MYO18B: variants seen among roughly 807,000 people sequenced by gnomAD.
The protein encoded by MYO18B is unconventional myosin-XVIIIb.
Under a neutral mutation model 273.0 loss-of-function variants are expected in MYO18B, and 204 were observed. The observed-to-expected ratio is 0.75, with a 90% CI of 0.67 to 0.84. The LOEUF (loss-of-function observed/expected upper bound fraction) is 0.84. MYO18B is among the 40% of genes least tolerant of loss of function. The pLI is 0.00. For synonymous variants in MYO18B, 1,330 were observed against 1,305.7 expected (o/e 1.02, Z -0.40); for missense variants, 3,212 against 3,287.6 (o/e 0.98, Z 0.56).
chr22:26,015,332 G>A lies in MYO18B; in HGVS notation c.6470+10477G>A, dbSNP rs543168697. 1.5e-4 allele frequency among the ~76,000 whole-genome samples: 23 copies of A among 152,238 alleles called. No individual in the cohort carries two copies. In the South Asian group the frequency reaches 3.3e-3, roughly 22 times the overall value. The stretch of plus-strand genomic sequence containing the variant: ...CCAAAGGAATATAAATTGTTTTACC[G>A]TAAAGACACATGCATATATATGGTT... On this transcript the variant is annotated intron_variant, in intron 42 of 43. Transcript: ENST00000335473.
At chr22:25,782,867 C>T (rs182633006) in intron 10 of MYO18B, among the ~76,000 whole-genome samples, 1 of 152,284 alleles carries the variant, frequency 6.6e-6, no homozygotes, top group East Asian at 1.9e-4. Context: ...TCTTGAGAAT[C>T]TGTAGAAGAA....
chr22:25,929,981 G>A (rs1238903300), intron 34 of MYO18B, among the ~76,000 whole-genome samples: 1 of 152,024 alleles, frequency 6.6e-6, no homozygotes, highest in Non-Finnish European at 1.5e-5. Flanking sequence ...TGACCTACAC[G>A]GATGCATATT....
chr22:25,970,473 C>A (rs936413223), intron 39 of MYO18B, among the ~76,000 whole-genome samples: 2 of 152,120 alleles, frequency 1.3e-5, no homozygotes, highest in African/African-American at 4.8e-5. Flanking sequence ...TGGAATTCTG[C>A]CTTCTCCAGC....
intron 1 of MYO18B, among the ~76,000 whole-genome samples, chr22:25,758,219 G>A (rs2086186768): frequency 1.3e-5 from 2 of 151,960 alleles, no homozygotes; most frequent in Admixed American, 1.3e-4. Context: ...TCCCCATGTT[G>A]GCCAGCCTGG....
At chr22:25,921,871 T>G (rs954440542) in intron 34 of MYO18B, among the ~76,000 whole-genome samples, 1 of 150,580 alleles carries the variant, frequency 6.6e-6, no homozygotes, top group African/African-American at 2.5e-5. Flanking sequence ...CTGCCAGGAC[T>G]AGGTATGAGC....
At chr22:25,771,996 C>A (rs942347134) in intron 6 of MYO18B, among the ~76,000 whole-genome samples, 1 of 152,228 alleles carries the variant, frequency 6.6e-6, no homozygotes, top group Non-Finnish European at 1.5e-5. Context: ...CACACTGGAG[C>A]ATCACCTGTC....
At chr22:25,983,445 A>G (rs1027434040) in intron 39 of MYO18B, 10 of 152,194 alleles carry the variant, frequency 6.6e-5, no homozygotes, top group African/African-American at 2.4e-4. Context: ...AAAGTGTGCA[A>G]ATCACGTAAG....
chr22:25,882,353 G>C (rs1285317944), intron 25 of MYO18B, among the ~76,000 whole-genome samples: 1 of 102,422 alleles, frequency 9.8e-6, no homozygotes, highest in East Asian at 5.4e-4. Flanking sequence ...ATTGCATGTA[G>C]ATTGAAAAAA....
At chr22:26,012,528 A>G (rs1217907210) in intron 42 of MYO18B, among the ~76,000 whole-genome samples, 1 of 152,240 alleles carries the variant, frequency 6.6e-6, no homozygotes, top group Non-Finnish European at 1.5e-5. Context: ...GAAATATTAA[A>G]TGCAAACACA....
At position 26,026,865 on chromosome 22, in the gene MYO18B, C is replaced by T. The variant is rs374327917; in HGVS notation, c.6891C>T (p.Asp2297=). The change falls in exon 43 of 44, where the codon GAC becomes GAT. Residue 2297 remains aspartate, a synonymous_variant. Transcript: ENST00000335473. ...TAAGGAGGGGCAGGGCTGGCAGTGACGAGGGAAACCTCTCGCTGAGGGTTG... is the reference window on the plus strand; with the variant it reads ...TAAGGAGGGGCAGGGCTGGCAGTGATGAGGGAAACCTCTCGCTGAGGGTTG... ...STLRRGRAGS[D]EGNLSLRVGA... is the part of the protein sequence containing the mutation. 2.1e-5 allele frequency: 34 copies of T among 1,594,654 alleles called. No homozygotes were observed. Among genetic ancestry groups the T allele is most frequent in the African/African-American group, 8.1e-5 (6 of 74,022 alleles).
intron 39 of MYO18B, among the ~76,000 whole-genome samples, chr22:25,961,727 C>T (rs932984357): frequency 2.0e-5 from 3 of 152,164 alleles, no homozygotes; most frequent in Non-Finnish European, 2.9e-5. Flanking sequence ...GGTCTGACTT[C>T]GGCCTGCCAG....
At chr22:25,826,286 T>A in intron 13 of MYO18B, 123 bp from the exon 14 acceptor site, 1 of 658,884 alleles carries the variant, frequency 1.5e-6, no homozygotes, top group Non-Finnish European at 2.6e-6. Context: ...ATTTTAGCAG[T>A]GGAGGGATGT....
intron 3 of MYO18B, among the ~76,000 whole-genome samples, chr22:25,764,438 A>C (rs2086433896): frequency 6.6e-6 from 1 of 152,136 alleles, no homozygotes. Flanking sequence ...TGAATGCTGC[A>C]ATGCTTGGGC....
At chr22:26,046,822 A>C in the MYO18B span, among the ~76,000 whole-genome samples, 1 of 152,172 alleles carries the variant, frequency 6.6e-6, no homozygotes, top group Non-Finnish European at 1.5e-5. Context: ...AACCACCCCA[A>C]CACCTAGGAG....
At chr22:25,983,406 C>T (rs2093169432) in intron 39 of MYO18B, 1 of 152,128 alleles carries the variant, frequency 6.6e-6, no homozygotes, top group African/African-American at 2.4e-5. Context: ...GGATGTCTTA[C>T]AACTTTTTCC....
chr22:25,923,342 G>A (rs547794388), intron 34 of MYO18B, among the ~76,000 whole-genome samples: 4 of 152,316 alleles, frequency 2.6e-5, no homozygotes, highest in Non-Finnish European at 4.4e-5. Context: ...TGGGTCCTGG[G>A]CAAGCCAGGA....
chr22:26,027,544 A>T lies in MYO18B; in HGVS notation c.7570A>T (p.Ile2524Phe). Reference sequence around the variant, plus strand: ...CGTGTCCTTCAAAAGTGCTGACAGCATCAAAAGTCGACCAGGAATCCCACG... The same window carrying T: ...CGTGTCCTTCAAAAGTGCTGACAGCTTCAAAAGTCGACCAGGAATCCCACG... ...SIVSFKSADS[I>F]KSRPGIPRLA... The change falls in exon 43 of 44, where the codon ATC (isoleucine) becomes TTC (phenylalanine). Residue 2524 changes from isoleucine (I) to phenylalanine (F), a missense_variant. Coordinates refer to ENST00000335473, the MANE Select transcript of MYO18B (RefSeq NM_032608.7). The surrounding 1 kb of genome is among the most constrained non-coding windows in gnomAD (Gnocchi z 4.1). 6.2e-7 allele frequency: 1 copy of T among 1,613,972 alleles called. No homozygotes were observed. The highest frequency in any genetic ancestry group is 8.5e-7 in the Non-Finnish European group (1 of 1,179,890).
chr22:26,031,215 C>T (rs1228016908), downstream of MYO18B, among the ~76,000 whole-genome samples: 1 of 152,166 alleles, frequency 6.6e-6, no homozygotes, highest in South Asian at 2.1e-4. Context: ...GACTCCATAT[C>T]CTACCCCAAA....
At chr22:25,849,253 G>A (rs1464897907) in intron 20 of MYO18B, among the ~76,000 whole-genome samples, 1 of 152,208 alleles carries the variant, frequency 6.6e-6, no homozygotes, top group Non-Finnish European at 1.5e-5. Context: ...CACCATCTCT[G>A]TTCTCAGCAC....
Sources: gnomAD v4.1 joint callset for allele counts (sites outside exome capture counted in the v4.1 genomes callset) on GRCh38, gnomAD v4.1.1 for gene constraint, Gnocchi (gnomAD v3.1) non-coding constraint, MANE v1.5 for transcripts, NCBI Gene and HGNC (gene_info 2026-07-23, HGNC 2026-07-21) for gene names.